PARD3: variants seen among roughly 807,000 people sequenced by gnomAD.
The protein encoded by PARD3 is par-3 family cell polarity regulator, also known as partitioning defective 3 homolog.
Under a neutral mutation model 155.4 loss-of-function variants are expected in PARD3, and 75 were observed. The ratio of observed to expected loss-of-function variants is 0.48; its 90% CI spans 0.40 to 0.58. The LOEUF (loss-of-function observed/expected upper bound fraction) is 0.58, where lower values mean the gene tolerates loss of function less well. Ranked by LOEUF, PARD3 falls within the 20% of genes least tolerant of loss-of-function variation. The probability of loss-of-function intolerance (pLI) is 0.00; values close to 1 mark genes in which losing one functional copy is unlikely to be tolerated. For synonymous variants in PARD3, 576 were observed against 610.5 expected, an observed-to-expected ratio of 0.94 and a Z score of 0.83; for missense variants, 1,642 against 1,721.7, an observed-to-expected ratio of 0.95 and a Z score of 0.82.
chr10:34,296,967 AC>A (rs1347662053), intron 20 of PARD3, among the ~76,000 whole-genome samples: 2 of 152,076 alleles, frequency 1.3e-5, no homozygotes, highest in African/African-American at 4.8e-5. Flanking sequence ...AACAAACAAG[AC>A]CCACAAGACT....
At chr10:34,780,977 C>T (rs887999403) in intron 1 of PARD3, among the ~76,000 whole-genome samples, 23 of 152,202 alleles carry the variant, frequency 1.5e-4, no homozygotes, top group South Asian at 4.1e-4. Context: ...TTGGGATTTC[C>T]TCTATTTGAA....
At chr10:34,458,575 A>G (rs564790828) in intron 4 of PARD3, among the ~76,000 whole-genome samples, 12 of 152,278 alleles carry the variant, frequency 7.9e-5, no homozygotes, top group Admixed American at 7.2e-4. Flanking sequence ...CAGCTGGACC[A>G]CTGCAATCCA....
chr10:34,504,207 G>T (rs1391508743), intron 3 of PARD3, among the ~76,000 whole-genome samples: 3 of 151,732 alleles, frequency 2.0e-5, no homozygotes, highest in Non-Finnish European at 4.4e-5. Flanking sequence ...ACAGCTCACT[G>T]CAGCCCGAAC....
intron 1 of PARD3, among the ~76,000 whole-genome samples, chr10:34,750,691 A>ATTTTTT (rs10643701): frequency 7.0e-6 from 1 of 143,704 alleles, no homozygotes; most frequent in African/African-American, 2.6e-5. Context: ...TGACATAACA[A>ATTTTTT]TTTTTTTTTT....
At chr10:34,786,129 A>C (rs1410469926) in intron 1 of PARD3, among the ~76,000 whole-genome samples, 1 of 152,248 alleles carries the variant, frequency 6.6e-6, no homozygotes, top group Non-Finnish European at 1.5e-5. Context: ...ATCACATATG[A>C]AATACAGAAC....
chr10:34,577,883 A>G (rs1011489117), intron 2 of PARD3, among the ~76,000 whole-genome samples: 2 of 150,828 alleles, frequency 1.3e-5, no homozygotes. Context: ...CAGGGGTCTC[A>G]CTCTGTCAAC....
At chr10:34,589,262 T>A (rs2088408189) in intron 2 of PARD3, among the ~76,000 whole-genome samples, 1 of 152,090 alleles carries the variant, frequency 6.6e-6, no homozygotes, top group Admixed American at 6.6e-5. Context: ...CTCCCCACAA[T>A]CACTTAAAAA....
intron 3 of PARD3, among the ~76,000 whole-genome samples, chr10:34,516,075 C>G (rs1456401498): frequency 1.3e-5 from 2 of 152,144 alleles, no homozygotes; most frequent in East Asian, 3.9e-4. Context: ...AGCAATTCTC[C>G]TGTTTCAGCC....
chr10:34,479,034 G>A lies in PARD3; in HGVS notation c.404-8771C>T, dbSNP rs559645568. Among the ~76,000 whole-genome samples, 161 of 152,014 alleles carry A rather than the reference G, an allele frequency of 1.1e-3. 1 individual carries two copies. Among genetic ancestry groups the A allele is most frequent in the African/African-American group, 3.7e-3 (155 of 41,434 alleles). On this transcript the variant is annotated intron_variant, in intron 3 of 24. Coordinates refer to ENST00000374788, the MANE Select transcript of PARD3 (RefSeq NM_001184785.2). ...TTTTATATAAAGGCTGTATATTAAT[G>A]TTATATAAATGTTAATATTGTGGTT...
intron 2 of PARD3, among the ~76,000 whole-genome samples, chr10:34,606,605 A>C (rs1477094092): frequency 1.4e-5 from 2 of 145,972 alleles, no homozygotes; most frequent in African/African-American, 5.1e-5. Flanking sequence ...GTTCAAGACC[A>C]GCCTGGGCAA....
chr10:34,521,863 A>G (rs1246544155), intron 2 of PARD3, among the ~76,000 whole-genome samples: 1 of 152,228 alleles, frequency 6.6e-6, no homozygotes, highest in African/African-American at 2.4e-5. Flanking sequence ...GGCTAACAGC[A>G]ATGGAGAATC....
At chr10:34,263,419 G>A (rs1267516988) in intron 22 of PARD3, among the ~76,000 whole-genome samples, 1 of 152,082 alleles carries the variant, frequency 6.6e-6, no homozygotes, top group Non-Finnish European at 1.5e-5. Context: ...CACTATGGGA[G>A]GCTGAGGCAG....
chr10:34,111,309 CAT>C lies in PARD3; in HGVS notation c.3920_3921del (p.Tyr1307Ter). The part of the protein sequence containing the change: ...KQPPSEGPSN[Y>X]DSYKKVQDPS... ...GGGTCCTGGACTTTCTTATACGAGT[CAT>C]AGTTGCTGGGCCCCTCGGAAGGAGG... On this transcript the variant is annotated frameshift_variant, in exon 25 of 25. Coordinates refer to ENST00000374788, the MANE Select transcript of PARD3 (RefSeq NM_001184785.2). LOFTEE classifies it high-confidence loss of function. 6.2e-7 allele frequency: 1 copy of C among 1,614,022 alleles called. No homozygotes were observed. Among genetic ancestry groups the C allele is most frequent in the Non-Finnish European group, 8.5e-7 (1 of 1,179,894 alleles).
At chr10:34,272,079 A>G (rs1955639755) in intron 21 of PARD3, among the ~76,000 whole-genome samples, 1 of 152,224 alleles carries the variant, frequency 6.6e-6, no homozygotes, top group Non-Finnish European at 1.5e-5. Context: ...AGTTTTTTCA[A>G]CCAATGGTGC....
intron 22 of PARD3, among the ~76,000 whole-genome samples, chr10:34,163,267 C>T (rs369987465): frequency 1.1e-4 from 16 of 152,074 alleles, no homozygotes; most frequent in African/African-American, 3.9e-4. Flanking sequence ...GGGGAGGACA[C>T]ACCCACAAGG....
At chr10:34,618,689 G>A (rs908797066) in intron 2 of PARD3, among the ~76,000 whole-genome samples, 1 of 152,154 alleles carries the variant, frequency 6.6e-6, no homozygotes, top group African/African-American at 2.4e-5. Context: ...CTTCCTGACT[G>A]ACTGTTTCCA....
chr10:34,748,037 CCAT>C (rs35068959), intron 1 of PARD3, among the ~76,000 whole-genome samples: 8,261 of 152,218 alleles, frequency 0.054, 735 homozygotes, highest in African/African-American at 0.19. Context: ...GGGGTTACCA[CCAT>C]GACAAGCCAC....
chr10:34,515,885 A>G (rs2081709025), intron 3 of PARD3, among the ~76,000 whole-genome samples: 1 of 152,138 alleles, frequency 6.6e-6, no homozygotes, highest in Admixed American at 6.5e-5. Context: ...GAAGACTACC[A>G]ATCAGTAAAG....
chr10:34,718,485 C>T (rs1399923205), intron 1 of PARD3, among the ~76,000 whole-genome samples: 1 of 151,612 alleles, frequency 6.6e-6, no homozygotes, highest in South Asian at 2.1e-4. Context: ...CAAAGTGAGA[C>T]CACGTCTCCA....
Sources: allele counts gnomAD v4.1 joint callset (sites outside exome capture counted in the v4.1 genomes callset), GRCh38; gene constraint gnomAD v4.1.1; transcripts MANE v1.5; gene names NCBI Gene and HGNC (gene_info 2026-07-23, HGNC 2026-07-21).